Variants in FSIP2 observed in about 807,000 individuals in gnomAD.
FSIP2 encodes the protein fibrous sheath-interacting protein 2.
In FSIP2, 367 loss-of-function variants were observed where a neutral mutation model predicts 510.5. The ratio of observed to expected loss-of-function variants is 0.72; its 90% CI spans 0.66 to 0.78. The LOEUF (loss-of-function observed/expected upper bound fraction) is 0.78, where lower values mean the gene tolerates loss of function less well. Among genes scored for constraint, FSIP2 ranks in the 30% least tolerant of loss-of-function variants. The pLI, the probability that FSIP2 is intolerant of heterozygous loss-of-function variation, is 0.00. For missense variants in FSIP2, 7,594 were observed against 7,901.7 expected (o/e 0.96, Z 1.48); for synonymous variants, 2,601 against 2,732.2 (o/e 0.95, Z 1.50).
In FSIP2 at chr2:185,791,503, T is replaced by C. The variant is rs757836817; in HGVS notation, c.4367T>C (p.Leu1456Pro). The C allele has an allele frequency of 6.5e-7, 1 of 1,534,418 alleles. No homozygotes were observed. The highest frequency in any genetic ancestry group is 1.4e-5 in the African/African-American group (1 of 73,036). ...KLLGTHLHSQ[L>P]SCSQQSREMT... ...CTGGGGACCCATCTTCATTCTCAGC[T>C]ATCTTGTAGTCAACAAAGCAGAGAG... is the stretch of plus-strand genomic sequence containing the variant. The change falls in exon 16 of 23, where the codon CTA (leucine) becomes CCA (proline). Residue 1456 changes from leucine to proline, a missense_variant. By Grantham distance (98) the Leu-to-Pro change is moderately conservative. Transcript: ENST00000424728.
At position 185,799,781 on chromosome 2, in the gene FSIP2, A is replaced by C. The variant is rs1274776828; in HGVS notation, c.10475A>C (p.Asp3492Ala). Residue 3492 changes from aspartate to alanine, a missense_variant, in exon 17 of 23, where the codon GAT becomes GCT. Asp to Ala is a moderately radical substitution (Grantham distance 126). Coordinates refer to ENST00000424728, the MANE Select transcript of FSIP2 (RefSeq NM_173651.4). ...SKQFLRNIYD[D>A]SSIYQCCEHL... ...CAGTTCCTAAGAAACATATACGATG[A>C]TTCTTCAATTTATCAATGTTGTGAA... 32 of 1,525,208 alleles carry C rather than the reference A, an allele frequency of 2.1e-5. No individual in the cohort carries two copies. Among genetic ancestry groups the C allele is most frequent in the Non-Finnish European group, 2.8e-5 (32 of 1,140,440 alleles). 94.5% of individuals were successfully genotyped at this position (1,525,208 alleles called of 1,614,324 possible).
Position 185,789,773 on chromosome 2 carries a change from A to G in FSIP2, c.2637A>G (p.Glu879=), listed in dbSNP as rs1192805936. The change falls in exon 16 of 23, where the codon GAA becomes GAG. Residue 879 remains glutamate, a synonymous_variant. Coordinates refer to ENST00000424728, the MANE Select transcript of FSIP2 (RefSeq NM_173651.4). ...GKNKSSLESD[E]ASLIVNEEVQ... The stretch of plus-strand genomic sequence containing the variant: ...ATAAATCTAGTCTTGAATCTGATGA[A>G]GCTAGTTTAATTGTCAATGAAGAAG... 20 of 1,534,290 alleles carry G rather than the reference A, an allele frequency of 1.3e-5. No individual in the cohort carries two copies. The highest frequency in any genetic ancestry group is 3.9e-5 in the Admixed American group (2 of 50,848).
chr2:185,832,338 T>C (rs1304221389), intron 22 of FSIP2, among the ~76,000 whole-genome samples: 2 of 151,890 alleles, frequency 1.3e-5, no homozygotes, highest in Non-Finnish European at 1.5e-5. Context: ...GTGTGGCTTA[T>C]GGGAGATGGC....
chr2:185,739,295 A>G lies in FSIP2; in HGVS notation c.100-51A>G, dbSNP rs541557686. 465 of 1,483,848 alleles carry G rather than the reference A, an allele frequency of 3.1e-4. 1 individual carries two copies. The highest frequency in any genetic ancestry group is 2.6e-3 in the Middle Eastern group (15 of 5,692). The allele number at this position is 1,483,848 out of a possible 1,614,324, so 91.9% of individuals were successfully genotyped here. ...AATGGAAGTAGATTGGTCTAAACTA[A>G]ACTAATACTGCCTAAAAGGAAAGAC... On this transcript the variant is annotated intron_variant, in intron 1 of 22. Coordinates refer to ENST00000424728, the MANE Select transcript of FSIP2 (RefSeq NM_173651.4).
At position 185,808,103 on chromosome 2, in the gene FSIP2, C is replaced by A. The variant is rs201083424; in HGVS notation, c.18797C>A (p.Ser6266Tyr). 3 of 1,606,074 alleles carry A rather than the reference C, an allele frequency of 1.9e-6. No homozygotes were observed. The highest frequency in any genetic ancestry group is 2.5e-6 in the Non-Finnish European group (3 of 1,176,990). Residue 6266 changes from serine to tyrosine, a missense_variant, in exon 17 of 23, where the codon TCT (serine) becomes TAT (tyrosine). Physicochemically the swap from Ser to Tyr is moderately radical, Grantham distance 144. Transcript: ENST00000424728. ...IYTSVLKHSG[S>Y]YTSVFKDLMG... ...ACCAGTGTTTTAAAGCACTCTGGCTCTTATACTTCTGTATTTAAAGATTTA... is the reference window on the plus strand; with the variant it reads ...ACCAGTGTTTTAAAGCACTCTGGCTATTATACTTCTGTATTTAAAGATTTA...
In FSIP2 at chr2:185,739,030, C is replaced by T. The variant is rs1574148291; in HGVS notation, c.99+37C>T. The T allele has an allele frequency of 9.9e-6, 15 of 1,518,608 alleles. No homozygotes were observed. The East Asian group carries it at 3.4e-4, about 35-fold the overall frequency. The allele number at this position is 1,518,608 out of a possible 1,614,324, so 94.1% of individuals were successfully genotyped here. Reference sequence around the variant, plus strand: ...CAAGCTGGGCGGCGTCGCCCTCTGGCGGCCGCAGGCCTGCTGGGGAGCGGG... The same window carrying T: ...CAAGCTGGGCGGCGTCGCCCTCTGGTGGCCGCAGGCCTGCTGGGGAGCGGG... On this transcript the variant is annotated intron_variant, in intron 1 of 22. Transcript: ENST00000424728.
rs758782651 is a variant in FSIP2, at chr2:185,799,952, G to A, written c.10646G>A (p.Arg3549Lys). 28 of 1,531,432 alleles carry A rather than the reference G, an allele frequency of 1.8e-5. No homozygotes were observed. Among genetic ancestry groups the A allele is most frequent in the Non-Finnish European group, 2.3e-5 (26 of 1,143,730 alleles). The allele number at this position is 1,531,432 out of a possible 1,614,324, so 94.9% of individuals were successfully genotyped here. The change falls in exon 17 of 23, where the codon AGG (arginine) becomes AAG (lysine). Residue 3549 changes from arginine to lysine, a missense_variant. Transcript: ENST00000424728. Reference protein sequence around the residue: ...ISIHSQVFESRSISIGELALC... With the variant: ...ISIHSQVFESKSISIGELALC... ...ATTCATTCTCAAGTGTTTGAGAGCA[G>A]GTCAATTTCCATTGGAGAACTTGCT...
chr2:185,812,122 C>T (rs758076973), intron 17 of FSIP2, among the ~76,000 whole-genome samples: 11 of 152,122 alleles, frequency 7.2e-5, no homozygotes, highest in Non-Finnish European at 1.5e-4. Context: ...TTGCATCCTA[C>T]ACCCTCAGCG....
intron 13 of FSIP2, among the ~76,000 whole-genome samples, chr2:185,769,582 T>C (rs981934961): frequency 3.3e-5 from 5 of 152,220 alleles, no homozygotes; most frequent in African/African-American, 1.2e-4. Context: ...GTCTGTTTAC[T>C]GTATTACTAG....
chr2:185,830,834 T>C (rs1218132311), intron 21 of FSIP2, among the ~76,000 whole-genome samples: 1 of 151,874 alleles, frequency 6.6e-6, no homozygotes, highest in Non-Finnish European at 1.5e-5. Flanking sequence ...ATTAGAGTTT[T>C]GTGAGGCATT....
Position 185,786,199 on chromosome 2 carries a change from T to G in FSIP2, c.1470-53T>G. 2.5e-6 allele frequency: 3 copies of G among 1,194,590 alleles called. No individual in the cohort carries two copies. The South Asian group carries it at 4.5e-5, about 18-fold the overall frequency. The allele number at this position is 1,194,590 out of a possible 1,614,324, so 74.0% of individuals were successfully genotyped here. A position where few individuals can be genotyped will look rare whatever the true frequency, so the allele number is the denominator to read the frequency against. ...AATAATTAGAAATTTTGGGAAAAGT[T>G]TTATAAATTTTTGACTCTATGTAAT... On this transcript the variant is annotated intron_variant, in intron 14 of 22. Coordinates refer to ENST00000424728, the MANE Select transcript of FSIP2 (RefSeq NM_173651.4).
In FSIP2 at chr2:185,806,272, G is replaced by A; in HGVS notation, c.16966G>A (p.Gly5656Arg). Residue 5656 changes from glycine (G) to arginine (R), a missense_variant, in exon 17 of 23, where the codon GGG becomes AGG. Transcript: ENST00000424728. Reference protein sequence around the residue: ...EIRIRTSSNEGRRDSPTQTCR... With the variant: ...EIRIRTSSNERRRDSPTQTCR... ...AAGAATTCGAACATCAAGCAATGAG[G>A]GGAGAAGAGACTCTCCAACACAAAC... 1.9e-6 allele frequency: 3 copies of A among 1,609,688 alleles called. No individual in the cohort carries two copies. The highest frequency in any genetic ancestry group is 1.7e-6 in the Non-Finnish European group (2 of 1,177,736).
At chr2:185,813,364 ATTT>A (rs543958079) in intron 17 of FSIP2, among the ~76,000 whole-genome samples, 178 bp from the exon 18 acceptor site, 1 of 151,776 alleles carries the variant, frequency 6.6e-6, no homozygotes, top group African/African-American at 2.4e-5. Flanking sequence ...ATGCCAACAA[ATTT>A]TTTTTGTTAT....
At chr2:185,812,494 G>A (rs374259760) in intron 17 of FSIP2, among the ~76,000 whole-genome samples, 17 of 152,058 alleles carry the variant, frequency 1.1e-4, no homozygotes, top group South Asian at 1.0e-3. Flanking sequence ...GGCACCAATC[G>A]GGCTACCAAT....
chr2:185,756,901 G>T (rs984108129), intron 9 of FSIP2, among the ~76,000 whole-genome samples: 9 of 151,322 alleles, frequency 5.9e-5, no homozygotes, highest in South Asian at 2.1e-4. Flanking sequence ...AAGAAATACT[G>T]TTTAAAATCT....
At chr2:185,739,607 G>C in intron 2 of FSIP2, 136 bp downstream of exon 2, 2 of 759,660 alleles carry the variant, frequency 2.6e-6, no homozygotes, top group Non-Finnish European at 3.9e-6. Flanking sequence ...ACATCTGACC[G>C]AAGGTATTGT....
intron 13 of FSIP2, among the ~76,000 whole-genome samples, chr2:185,776,090 T>C (rs369962233): frequency 6.6e-6 from 1 of 152,020 alleles, no homozygotes; most frequent in Non-Finnish European, 1.5e-5. Context: ...GGCAAAATGG[T>C]GATACACTGT....
At chr2:185,755,442 T>C (rs1448904110) in intron 8 of FSIP2, among the ~76,000 whole-genome samples, 1 of 151,636 alleles carries the variant, frequency 6.6e-6, no homozygotes, top group Non-Finnish European at 1.5e-5. Flanking sequence ...TTCTGTAGCT[T>C]AAACATTTGT....
At chr2:185,809,229 T>C (rs907914416) in intron 17 of FSIP2, 96 bp downstream of exon 17, 67 of 1,347,566 alleles carry the variant, frequency 5.0e-5, no homozygotes, top group East Asian at 4.6e-4. Flanking sequence ...AATGCATTCA[T>C]TGTTGTTGGT....
Sources: allele counts gnomAD v4.1 joint callset (sites outside exome capture counted in the v4.1 genomes callset), GRCh38; gene constraint gnomAD v4.1.1; transcripts MANE v1.5; gene names NCBI Gene and HGNC (gene_info 2026-07-23, HGNC 2026-07-21).